The following CNTNAP2 variants were observed in gnomAD, a reference collection of about 807,000 sequenced individuals.
CNTNAP2 encodes contactin associated protein 2, also known as contactin-associated protein-like 2.
A neutral mutation model predicts 155.2 loss-of-function variants in CNTNAP2; 98 were observed. The observed-to-expected ratio is 0.63, with a 90% CI of 0.54 to 0.75. The LOEUF (loss-of-function observed/expected upper bound fraction) is 0.75. Among genes scored for constraint, CNTNAP2 ranks in the 30% least tolerant of loss-of-function variants. CNTNAP2 has a pLI of 0.00. For missense variants in CNTNAP2, 1,727 were observed against 1,688.1 expected (o/e 1.02, Z -0.40); for synonymous variants, 651 against 631.2 (o/e 1.03, Z -0.47).
chr7:147,508,263 C>A (rs12113336), intron 11 of CNTNAP2, among the ~76,000 whole-genome samples: 4 of 152,158 alleles, frequency 2.6e-5, no homozygotes, highest in Non-Finnish European at 1.5e-5. Context: ...TTCTTTCTGC[C>A]CCCTGTCCCC....
intron 1 of CNTNAP2, among the ~76,000 whole-genome samples, chr7:146,129,926 T>C (rs1260584692): frequency 1.3e-5 from 2 of 150,670 alleles, no homozygotes; most frequent in Non-Finnish European, 2.9e-5. Flanking sequence ...GTTATAACAT[T>C]TTAGCTAAAA....
At chr7:146,516,115 A>G (rs1303212761) in intron 1 of CNTNAP2, among the ~76,000 whole-genome samples, 1 of 151,988 alleles carries the variant, frequency 6.6e-6, no homozygotes. Context: ...ATGAGAGAAA[A>G]AGTAATGAGA....
intron 3 of CNTNAP2, among the ~76,000 whole-genome samples, chr7:146,953,798 A>G (rs1472788159): frequency 1.3e-5 from 2 of 151,948 alleles, no homozygotes; most frequent in Non-Finnish European, 2.9e-5. Context: ...AAATCATCAT[A>G]TAACACAAAC....
At chr7:148,041,991 C>T (rs939573090) in intron 15 of CNTNAP2, among the ~76,000 whole-genome samples, 2 of 152,188 alleles carry the variant, frequency 1.3e-5, no homozygotes, top group Non-Finnish European at 2.9e-5. Context: ...ACACCTTTGT[C>T]AAGCCAAGTT....
chr7:148,270,552 A>G (rs1796755538), intron 21 of CNTNAP2, among the ~76,000 whole-genome samples: 1 of 152,234 alleles, frequency 6.6e-6, no homozygotes. Flanking sequence ...CCATATACTA[A>G]CAAGGAGCAA....
At chr7:146,686,960 T>C (rs779066812) in intron 1 of CNTNAP2, among the ~76,000 whole-genome samples, 1 of 152,178 alleles carries the variant, frequency 6.6e-6, no homozygotes, top group Non-Finnish European at 1.5e-5. Flanking sequence ...AGCACTATGT[T>C]GATGATATTT....
At chr7:148,099,119 C>G (rs963425142) in intron 15 of CNTNAP2, among the ~76,000 whole-genome samples, 1 of 152,082 alleles carries the variant, frequency 6.6e-6, no homozygotes, top group African/African-American at 2.4e-5. Context: ...GCGACGAAAC[C>G]CAGGTGTGTA....
rs575571474 is a variant in CNTNAP2 at position 146,603,603 on chromosome 7, C to T, written c.98-170668C>T. Among the ~76,000 whole-genome samples the T allele has an allele frequency of 2.2e-3, 325 of 150,678 alleles. 17 individuals are homozygous for T. Among genetic ancestry groups the T allele is most frequent in the Non-Finnish European group, 1.0e-4 (7 of 67,690 alleles). ...AGTTCATATGGAACCAAAAAAGAGC[C>T]CGCATTGCCAAGTCAACCCTAAGCC... On this transcript the variant is annotated intron_variant, in intron 1 of 23. Coordinates refer to ENST00000361727, the MANE Select transcript of CNTNAP2 (RefSeq NM_014141.6).
chr7:147,446,860 T>C (rs534875135), intron 10 of CNTNAP2, among the ~76,000 whole-genome samples: 13 of 152,286 alleles, frequency 8.5e-5, no homozygotes, highest in African/African-American at 2.9e-4. Flanking sequence ...GTTAAAAGAA[T>C]TTTAGGGTGT....
intron 1 of CNTNAP2, among the ~76,000 whole-genome samples, chr7:146,360,556 A>G (rs141551696): frequency 2.6e-5 from 4 of 152,282 alleles, no homozygotes; most frequent in African/African-American, 9.6e-5. Context: ...TTAGAGAGCA[A>G]TTTATGTGGA....
intron 3 of CNTNAP2, among the ~76,000 whole-genome samples, chr7:146,840,890 A>C (rs1585116893): frequency 6.6e-6 from 1 of 152,376 alleles, no homozygotes; most frequent in East Asian, 1.9e-4. Flanking sequence ...CTACTTAAGT[A>C]GAACTTTAGA....
chr7:148,067,461 G>A (rs1322422783), intron 15 of CNTNAP2, among the ~76,000 whole-genome samples: 1 of 152,254 alleles, frequency 6.6e-6, no homozygotes, highest in South Asian at 2.1e-4. Context: ...CTGTCTTCAG[G>A]TCTCTCAGCC....
At chr7:147,418,700 G>T (rs1797240606) in intron 10 of CNTNAP2, among the ~76,000 whole-genome samples, 1 of 152,180 alleles carries the variant, frequency 6.6e-6, no homozygotes, top group Admixed American at 6.5e-5. Context: ...CAATTGACTG[G>T]CAAATGGGCT....
intron 1 of CNTNAP2, among the ~76,000 whole-genome samples, chr7:146,766,333 G>T (rs116597450): frequency 6.6e-6 from 1 of 151,964 alleles, no homozygotes; most frequent in African/African-American, 2.4e-5. Flanking sequence ...AAAAGATGTG[G>T]GTCTGATTTG....
chr7:148,072,546 CA>C (rs911147110), intron 15 of CNTNAP2, among the ~76,000 whole-genome samples: 20 of 152,152 alleles, frequency 1.3e-4, no homozygotes, highest in Non-Finnish European at 2.6e-4. Flanking sequence ...TTTAAAAAGA[CA>C]AAAGCCATTC....
chr7:147,261,971 C>A (rs1804478161), intron 8 of CNTNAP2, among the ~76,000 whole-genome samples: 1 of 152,166 alleles, frequency 6.6e-6, no homozygotes, highest in African/African-American at 2.4e-5. Flanking sequence ...CTTATTATAA[C>A]CATGTATAAT....
intron 1 of CNTNAP2, among the ~76,000 whole-genome samples, chr7:146,755,677 CA>C (rs1174808269): frequency 2.0e-5 from 3 of 151,960 alleles, no homozygotes; most frequent in African/African-American, 7.2e-5. Context: ...ACAAATAATT[CA>C]AACCTCTCTA....
intron 22 of CNTNAP2, among the ~76,000 whole-genome samples, chr7:148,387,190 C>A (rs184152696): frequency 1.6e-4 from 24 of 152,166 alleles, no homozygotes; most frequent in Non-Finnish European, 2.9e-4. Context: ...TCCCCAGTGG[C>A]TTCAGTTTAA....
At chr7:147,619,805 T>C (rs1189894106) in intron 12 of CNTNAP2, among the ~76,000 whole-genome samples, 1 of 152,124 alleles carries the variant, frequency 6.6e-6, no homozygotes, top group East Asian at 1.9e-4. Context: ...TACCTGATGA[T>C]TGTAGAACCC....
Sources: allele counts gnomAD v4.1 joint callset (sites outside exome capture counted in the v4.1 genomes callset), GRCh38; gene constraint gnomAD v4.1.1; transcripts MANE v1.5; gene names NCBI Gene and HGNC (gene_info 2026-07-23, HGNC 2026-07-21).